TMTC2: variants seen among roughly 807,000 people sequenced by gnomAD.
The protein encoded by TMTC2 is transmembrane O-mannosyltransferase targeting cadherins 2, also known as protein O-mannosyl-transferase TMTC2.
Under a neutral mutation model 82.4 loss-of-function variants are expected in TMTC2, and 43 were observed. The ratio of observed to expected loss-of-function variants is 0.52; its 90% confidence interval spans 0.41 to 0.67. TMTC2 has a LOEUF of 0.67. TMTC2 is among the 30% of genes least tolerant of loss of function. The pLI is 0.00. For missense variants in TMTC2, 919 were observed against 1,012.4 expected (o/e 0.91, Z 1.25); for synonymous variants, 408 against 381.9 (o/e 1.07, Z -0.80).
At chr12:83,006,136 C>T (rs1041255583) in intron 8 of TMTC2, among the ~76,000 whole-genome samples, 2 of 152,112 alleles carry the variant, frequency 1.3e-5, no homozygotes, top group African/African-American at 4.8e-5. Context: ...CTACAGGTTC[C>T]TCACTTACCA....
intron 1 of TMTC2, among the ~76,000 whole-genome samples, chr12:82,781,399 CTTTT>C (rs71068954): frequency 1.7e-5 from 2 of 121,172 alleles, no homozygotes; most frequent in Non-Finnish European, 3.3e-5. Flanking sequence ...GGAGTTTGCT[CTTTT>C]TTTTTTTTTT....
Position 82,906,704 on chromosome 12 carries a change from C to T in TMTC2, c.1483+10058C>T, listed in dbSNP as rs913051436. On this transcript the variant is annotated intron_variant, in intron 3 of 11. Coordinates refer to ENST00000321196, the MANE Select transcript of TMTC2 (RefSeq NM_152588.3). Reference sequence around the variant, plus strand: ...GACTTTGTCTCAAAAAACAAACAAACAAACAAAACAAGAAAAAAGAAATTT... The same window carrying T: ...GACTTTGTCTCAAAAAACAAACAAATAAACAAAACAAGAAAAAAGAAATTT... Among the ~76,000 whole-genome samples, 3 of 152,024 alleles carry T rather than the reference C, an allele frequency of 2.0e-5. No homozygotes were observed. In the South Asian group the frequency reaches 6.2e-4, roughly 32 times the overall value.
intron 1 of TMTC2, among the ~76,000 whole-genome samples, chr12:82,741,443 T>C (rs1403650761): frequency 6.6e-6 from 1 of 152,172 alleles, no homozygotes; most frequent in African/African-American, 2.4e-5. Flanking sequence ...CCTGAGTAGC[T>C]GGGACTACAG....
chr12:83,038,242 C>T (rs1197768162), intron 9 of TMTC2, among the ~76,000 whole-genome samples: 1 of 151,724 alleles, frequency 6.6e-6, no homozygotes, highest in Non-Finnish European at 1.5e-5. Flanking sequence ...ACGTATGTAA[C>T]TAACCTGCAC....
chr12:82,733,085 G>A (rs1874911037), intron 1 of TMTC2, among the ~76,000 whole-genome samples: 1 of 151,958 alleles, frequency 6.6e-6, no homozygotes, highest in Admixed American at 6.6e-5. Context: ...TTTTCAAAAT[G>A]TTTCATTTGT....
intron 4 of TMTC2, among the ~76,000 whole-genome samples, chr12:82,949,957 C>T (rs1257043245): frequency 1.3e-5 from 2 of 152,046 alleles, no homozygotes; most frequent in African/African-American, 4.8e-5. Flanking sequence ...TCTCACGATG[C>T]AAATTCAAGA....
intron 2 of TMTC2, among the ~76,000 whole-genome samples, chr12:82,888,339 A>C (rs1167549830): frequency 3.3e-5 from 5 of 152,192 alleles, no homozygotes; most frequent in Non-Finnish European, 7.4e-5. Context: ...CTTTTCATGG[A>C]GAGAGGGAAA....
At position 82,728,769 on chromosome 12, in the gene TMTC2, A is replaced by G. The variant is rs911851547; in HGVS notation, c.83+41100A>G. On this transcript the variant is annotated intron_variant, in intron 1 of 11. Coordinates refer to ENST00000321196, the MANE Select transcript of TMTC2 (RefSeq NM_152588.3). ...TTCCTCAGCTTGCGGGGAGGTGTGG[A>G]GGCAGAGGCGTGGGCAGGAACTGGG... Among the ~76,000 whole-genome samples, 7 of 152,274 alleles carry G rather than the reference A, an allele frequency of 4.6e-5. No individual in the cohort carries two copies. In the East Asian group the frequency reaches 1.4e-3, roughly 29 times the overall value.
chr12:82,812,597 A>G (rs1254298157), intron 1 of TMTC2, among the ~76,000 whole-genome samples: 2 of 152,096 alleles, frequency 1.3e-5, no homozygotes, highest in Non-Finnish European at 2.9e-5. Flanking sequence ...AATAGCTATA[A>G]TAAAGACAGT....
At chr12:82,975,976 T>C (rs1455145534) in intron 7 of TMTC2, among the ~76,000 whole-genome samples, 1 of 152,152 alleles carries the variant, frequency 6.6e-6, no homozygotes, top group Non-Finnish European at 1.5e-5. Flanking sequence ...TTAAGCCATT[T>C]TATTGACTCC....
intron 3 of TMTC2, among the ~76,000 whole-genome samples, chr12:82,924,930 A>G (rs959889203): frequency 2.0e-5 from 3 of 152,058 alleles, no homozygotes; most frequent in African/African-American, 4.8e-5. Context: ...ATGAAACCCT[A>G]TGTGATTGGA....
chr12:82,691,352 C>T (rs1295580985), intron 1 of TMTC2, among the ~76,000 whole-genome samples: 1 of 152,134 alleles, frequency 6.6e-6, no homozygotes, highest in Non-Finnish European at 1.5e-5. Context: ...GGAGAAACAA[C>T]TACACAGCAG....
intron 1 of TMTC2, among the ~76,000 whole-genome samples, chr12:82,848,507 T>C (rs1010409001): frequency 4.6e-5 from 7 of 152,158 alleles, no homozygotes; most frequent in Non-Finnish European, 1.0e-4. Context: ...TGGCTGAATA[T>C]TTAATGTCAG....
At chr12:83,053,045 G>T (rs938389474) in intron 10 of TMTC2, among the ~76,000 whole-genome samples, 1 of 152,228 alleles carries the variant, frequency 6.6e-6, no homozygotes, top group Non-Finnish European at 1.5e-5. Flanking sequence ...AGTGCTTGCT[G>T]TCAAGCTGAA....
chr12:82,825,443 G>T (rs1267615053), intron 1 of TMTC2, among the ~76,000 whole-genome samples: 2 of 152,242 alleles, frequency 1.3e-5, no homozygotes, highest in East Asian at 3.9e-4. Context: ...AGACACAGGG[G>T]AACAATGAGG....
chr12:82,985,280 A>G (rs1186363384), intron 7 of TMTC2, among the ~76,000 whole-genome samples: 1 of 151,992 alleles, frequency 6.6e-6, no homozygotes, highest in African/African-American at 2.4e-5. Context: ...TCTAATTCCT[A>G]GACTCAAGCT....
At chr12:82,832,742 A>G (rs549564592) in intron 1 of TMTC2, among the ~76,000 whole-genome samples, 2 of 152,230 alleles carry the variant, frequency 1.3e-5, no homozygotes, top group Non-Finnish European at 2.9e-5. Context: ...TTTAGCAGAA[A>G]GTTCTAAACT....
intron 1 of TMTC2, among the ~76,000 whole-genome samples, chr12:82,824,999 G>C (rs1201601635): frequency 6.6e-6 from 1 of 151,712 alleles, no homozygotes; most frequent in East Asian, 1.9e-4. Context: ...TGAGGCAGGG[G>C]AATCACTTGA....
At chr12:82,700,799 A>G (rs1233196993) in intron 1 of TMTC2, among the ~76,000 whole-genome samples, 1 of 152,206 alleles carries the variant, frequency 6.6e-6, no homozygotes. Flanking sequence ...GGTGCTATAC[A>G]GAAATACCTG....
Sources: allele counts gnomAD v4.1 joint callset (sites outside exome capture counted in the v4.1 genomes callset), GRCh38; gene constraint gnomAD v4.1.1; transcripts MANE v1.5; gene names NCBI Gene and HGNC (gene_info 2026-07-23, HGNC 2026-07-21).